The following SOX5 variants were observed in gnomAD, a reference collection of about 807,000 sequenced individuals.
SOX5 encodes transcription factor SOX-5.
Under a neutral mutation model 92.0 loss-of-function variants are expected in SOX5, and 9 were observed. The observed-to-expected ratio is 0.10, with a 90% confidence interval of 0.06 to 0.17. The LOEUF (loss-of-function observed/expected upper bound fraction) is 0.17, where lower values mean the gene tolerates loss of function less well. Among genes scored for constraint, SOX5 ranks in the 10% least tolerant of loss-of-function variants. SOX5 has a pLI of 1.00. For synonymous variants in SOX5, 344 were observed against 336.3 expected, an observed-to-expected ratio of 1.02 and a Z score of -0.25; for missense variants, 642 against 944.5, an observed-to-expected ratio of 0.68 and a Z score of 4.20.
Position 23,895,874 on chromosome 12 carries a change from G to C in SOX5, c.189C>G (p.His63Gln). The C allele has an allele frequency of 6.2e-7, 1 of 1,614,162 alleles. No homozygotes were observed. Among genetic ancestry groups the C allele is most frequent in the Non-Finnish European group, 8.5e-7 (1 of 1,179,996 alleles). Residue 63 changes from histidine to glutamine, a missense_variant, in exon 2 of 15, where the codon CAC becomes CAG. His to Gln is a conservative substitution (Grantham distance 24). This residue lies in a region of SOX5 where 113 missense variants were observed against 117.7 expected (regional missense o/e 0.96). Transcript: ENST00000451604. ...GAGAAACTGGCTGAAATTCCTCAGAGTGAGGCTTGTTGGGAAAACTCACAT... is the reference window on the plus strand; with the variant it reads ...GAGAAACTGGCTGAAATTCCTCAGACTGAGGCTTGTTGGGAAAACTCACAT... The part of the protein sequence containing the change: ...PLHVSFPNKP[H>Q]SEEFQPVSLL...
intron 1 of SOX5, among the ~76,000 whole-genome samples, chr12:24,372,227 T>C (rs1241236414): frequency 6.6e-6 from 1 of 152,188 alleles, no homozygotes. Flanking sequence ...GTTGGTTTCC[T>C]GCACTCATCA....
At chr12:24,431,475 T>TATC (rs1164173076) in intron 1 of SOX5, among the ~76,000 whole-genome samples, 1 of 152,188 alleles carries the variant, frequency 6.6e-6, no homozygotes, top group Non-Finnish European at 1.5e-5. Flanking sequence ...ATACCCAAGA[T>TATC]ATCACTACCA....
At chr12:24,499,407 A>T (rs1420291260) in intron 1 of SOX5, among the ~76,000 whole-genome samples, 1 of 152,246 alleles carries the variant, frequency 6.6e-6, no homozygotes, top group African/African-American at 2.4e-5. Flanking sequence ...AAGATGTGGC[A>T]ATTCAGCAAA....
chr12:23,608,115 G>GAAAAAAAAAAAAAAAAAAAAAAAAA (rs772255622), intron 8 of SOX5, among the ~76,000 whole-genome samples: 1 of 44,064 alleles, frequency 2.3e-5, no homozygotes, highest in Non-Finnish European at 4.3e-5. Flanking sequence ...AAAGAAAAAA[G>GAAAAAAAAAAAAAAAAAAAAAAAAA]AAAAAAAAAA....
intron 1 of SOX5, among the ~76,000 whole-genome samples, chr12:24,439,223 GTTC>G (rs1286604586): frequency 6.6e-6 from 1 of 152,182 alleles, no homozygotes; most frequent in Non-Finnish European, 1.5e-5. Flanking sequence ...AGGTATGTAC[GTTC>G]TTTATTTGGA....
chr12:24,002,826 G>A (rs762330493), intron 4 of SOX5, among the ~76,000 whole-genome samples: 1 of 151,990 alleles, frequency 6.6e-6, no homozygotes, highest in Non-Finnish European at 1.5e-5. Context: ...TTTATTTTAT[G>A]AAGTCAGTAT....
At chr12:24,379,796 T>C (rs1167045863) in intron 1 of SOX5, among the ~76,000 whole-genome samples, 1 of 151,126 alleles carries the variant, frequency 6.6e-6, no homozygotes, top group African/African-American at 2.4e-5. Context: ...TCCAGGCTTA[T>C]TTCTTAAACT....
At chr12:24,411,036 A>C (rs1480566821) in intron 1 of SOX5, among the ~76,000 whole-genome samples, 1 of 152,064 alleles carries the variant, frequency 6.6e-6, no homozygotes, top group Admixed American at 6.6e-5. Context: ...ATTTATACCT[A>C]GGTATTTCAT....
upstream of SOX5, among the ~76,000 whole-genome samples, chr12:23,955,615 T>A (rs189386613): frequency 6.6e-6 from 1 of 152,266 alleles, no homozygotes; most frequent in African/African-American, 2.4e-5. Context: ...TTCAATTTAT[T>A]TTTTTACTCT....
Position 24,398,745 on chromosome 12 carries a change from C to T in SOX5, c.-250-30106G>A, listed in dbSNP as rs368053805. Reference sequence around the variant, plus strand: ...TTTTGACTATGCATTGATAAACCCACATCCTCTGCTATTATTGCACATCTA... The same window carrying T: ...TTTTGACTATGCATTGATAAACCCATATCCTCTGCTATTATTGCACATCTA... On this transcript the variant is annotated intron_variant, in intron 1 of 4. Coordinates refer to the SOX5 transcript ENST00000446891. Among the ~76,000 whole-genome samples the T allele has an allele frequency of 1.0e-3, 155 of 152,314 alleles. 2 individuals are homozygous for T. The South Asian group carries it at 0.032, about 32-fold the overall frequency.
rs1054608189 is a variant in SOX5 at position 23,788,053 on chromosome 12, T to G, written c.482-32329A>C. Among the ~76,000 whole-genome samples the G allele has an allele frequency of 2.6e-5, 4 of 151,726 alleles. No individual in the cohort carries two copies. In the East Asian group the frequency reaches 7.7e-4, roughly 29 times the overall value. On this transcript the variant is annotated intron_variant, in intron 3 of 14. Coordinates refer to ENST00000451604, the MANE Select transcript of SOX5 (RefSeq NM_006940.6). The stretch of plus-strand genomic sequence containing the variant: ...ATTATACTAGATATAACAAAAAGAC[T>G]AAATACTAGCTAAACACAGGTGTGA...
intron 1 of SOX5, among the ~76,000 whole-genome samples, chr12:24,418,960 T>C (rs1566116223): frequency 6.6e-6 from 1 of 152,266 alleles, no homozygotes; most frequent in East Asian, 1.9e-4. Context: ...AATGGAGTAG[T>C]TGTCAGAGTT....
At chr12:24,401,362 A>AAAAT (rs1961552220) in intron 1 of SOX5, among the ~76,000 whole-genome samples, 1 of 151,298 alleles carries the variant, frequency 6.6e-6, no homozygotes, top group African/African-American at 2.4e-5. Flanking sequence ...AGGGGAAAAA[A>AAAAT]AAAAAAAAAG....
At chr12:24,076,276 C>A (rs1435029677) in intron 4 of SOX5, among the ~76,000 whole-genome samples, 2 of 152,088 alleles carry the variant, frequency 1.3e-5, no homozygotes, top group Non-Finnish European at 2.9e-5. Context: ...AAAACCCAGG[C>A]ATGGGTTTGT....
At chr12:24,197,391 C>G (rs922040795) in intron 4 of SOX5, among the ~76,000 whole-genome samples, 1 of 152,076 alleles carries the variant, frequency 6.6e-6, no homozygotes, top group African/African-American at 2.4e-5. Flanking sequence ...TTATGGTTGA[C>G]TTTAAATTAA....
At position 23,686,103 on chromosome 12, in the gene SOX5, G is replaced by A. The variant is rs2087521276; in HGVS notation, c.811-20539C>T. On this transcript the variant is annotated intron_variant, in intron 6 of 14. Transcript: ENST00000451604. Reference sequence around the variant, plus strand: ...TTCTTTAATCCAGGTAATGAAGTGAGCTATAATTAGAGAGCAAACATTTGT... The same window carrying A: ...TTCTTTAATCCAGGTAATGAAGTGAACTATAATTAGAGAGCAAACATTTGT... 2.0e-5 allele frequency among the ~76,000 whole-genome samples: 3 copies of A among 152,134 alleles called. No individual in the cohort carries two copies. The South Asian group carries it at 6.2e-4, about 31-fold the overall frequency.
intron 2 of SOX5, among the ~76,000 whole-genome samples, chr12:24,353,685 G>C (rs910565315): frequency 6.6e-6 from 1 of 152,046 alleles, no homozygotes; most frequent in Non-Finnish European, 1.5e-5. Context: ...CTGTCACCCA[G>C]GCTGGAGTGC....
chr12:23,967,643 G>T (rs1462916963), intron 4 of SOX5, among the ~76,000 whole-genome samples: 1 of 152,026 alleles, frequency 6.6e-6, no homozygotes, highest in Non-Finnish European at 1.5e-5. Flanking sequence ...TTTTATCTCT[G>T]CAATAAAACA....
intron 3 of SOX5, chr12:24,227,796 T>C (rs1217840083): frequency 6.6e-6 from 1 of 152,320 alleles, no homozygotes; most frequent in East Asian, 1.9e-4. Context: ...ATGAGTACTG[T>C]CATCTCAAAT....
Sources: allele counts gnomAD v4.1 joint callset (sites outside exome capture counted in the v4.1 genomes callset), GRCh38; gene constraint gnomAD v4.1.1; regional missense constraint gnomAD v4.1.1; transcripts MANE v1.5; gene names NCBI Gene and HGNC (gene_info 2026-07-23, HGNC 2026-07-21).